NTM: variants seen among roughly 807,000 people sequenced by gnomAD.
The protein encoded by NTM is IgLON family member 2.
In NTM, 13 loss-of-function variants were observed where a neutral mutation model predicts 42.1. The observed-to-expected ratio is 0.31, with a 90% CI of 0.20 to 0.49. The LOEUF (loss-of-function observed/expected upper bound fraction) is 0.49. NTM is among the 20% of genes least tolerant of loss of function. The pLI is 0.99. For missense variants in NTM, 373 were observed against 452.8 expected, an observed-to-expected ratio of 0.82 and a Z score of 1.60; for synonymous variants, 187 against 179.2, an observed-to-expected ratio of 1.04 and a Z score of -0.35.
intron 4 of NTM, among the ~76,000 whole-genome samples, chr11:132,234,651 G>A (rs766536494): frequency 3.3e-5 from 5 of 152,050 alleles, no homozygotes; most frequent in East Asian, 1.9e-4. Flanking sequence ...CACTTTACAC[G>A]TTATAATAAT....
intron 1 of NTM, among the ~76,000 whole-genome samples, chr11:131,780,750 T>A (rs60364036): frequency 0.12 from 18,079 of 152,234 alleles, 1,154 homozygotes; most frequent in Middle Eastern, 0.17. Flanking sequence ...GTGGACTAAG[T>A]ACACGAAGCA....
chr11:131,750,968 C>T (rs959327594), intron 1 of NTM, among the ~76,000 whole-genome samples: 1 of 152,048 alleles, frequency 6.6e-6, no homozygotes, highest in Non-Finnish European at 1.5e-5. Context: ...CAGCATTAGC[C>T]CACCTCCACC....
chr11:131,905,087 G>C (rs964238826), intron 1 of NTM, among the ~76,000 whole-genome samples: 1 of 152,180 alleles, frequency 6.6e-6, no homozygotes, highest in African/African-American at 2.4e-5. Context: ...CCCAGCATGA[G>C]AAGCCTGGGA....
intron 4 of NTM, among the ~76,000 whole-genome samples, chr11:132,298,390 G>A (rs1044327047): frequency 6.6e-5 from 10 of 152,248 alleles, no homozygotes; most frequent in Admixed American, 5.9e-4. Flanking sequence ...CAGACATCAA[G>A]CTGCAAACTC....
At chr11:132,124,340 T>G (rs907731221) in intron 2 of NTM, among the ~76,000 whole-genome samples, 1 of 152,136 alleles carries the variant, frequency 6.6e-6, no homozygotes, top group Non-Finnish European at 1.5e-5. Context: ...GTTTTGTGAG[T>G]GCTCTCAGTC....
intron 1 of NTM, among the ~76,000 whole-genome samples, chr11:131,830,988 G>A (rs986837600): frequency 7.9e-5 from 12 of 152,118 alleles, no homozygotes; most frequent in Non-Finnish European, 1.8e-4. Context: ...AGCTATTGGT[G>A]TATAGAAATG....
chr11:132,165,395 T>C (rs2075113226), intron 3 of NTM, among the ~76,000 whole-genome samples: 1 of 152,212 alleles, frequency 6.6e-6, no homozygotes, highest in Non-Finnish European at 1.5e-5. Context: ...ATCTTTGCTG[T>C]CATGGCCTTG....
intron 2 of NTM, among the ~76,000 whole-genome samples, chr11:131,970,320 G>A (rs2063370719): frequency 6.6e-6 from 1 of 152,154 alleles, no homozygotes; most frequent in South Asian, 2.1e-4. Flanking sequence ...TGGCTTCCAT[G>A]TTCTACCTGC....
chr11:132,003,455 A>G lies in NTM; in HGVS notation c.167+91807A>G, dbSNP rs2069876681. ...GAGACAGACTGTCCTTATATTTCCC[A>G]GGCTGCTCTTGAGTTCCTGGGCTCA... On this transcript the variant is annotated intron_variant, in intron 2 of 8. Transcript: ENST00000683400. This position sits in a 1 kb window ranked among gnomAD's most constrained non-coding sequence, Gnocchi z 6.0. 6.6e-6 allele frequency among the ~76,000 whole-genome samples: 1 copy of G among 151,992 alleles called. No individual in the cohort carries two copies. The highest frequency in any genetic ancestry group is 1.5e-5 in the Non-Finnish European group (1 of 68,022).
At chr11:132,093,199 C>G (rs926536395) in intron 2 of NTM, among the ~76,000 whole-genome samples, 1 of 152,176 alleles carries the variant, frequency 6.6e-6, no homozygotes, top group Non-Finnish European at 1.5e-5. Flanking sequence ...CTCTGTACCT[C>G]TCCACATACT....
At chr11:131,831,504 T>C (rs2042815691) in intron 1 of NTM, among the ~76,000 whole-genome samples, 1 of 152,110 alleles carries the variant, frequency 6.6e-6, no homozygotes, top group Non-Finnish European at 1.5e-5. Flanking sequence ...ACATGTGCAT[T>C]CTAGTGGGAG....
At chr11:131,754,728 T>G (rs1252230906) in intron 1 of NTM, among the ~76,000 whole-genome samples, 1 of 152,228 alleles carries the variant, frequency 6.6e-6, no homozygotes, top group Non-Finnish European at 1.5e-5. Context: ...CATAGAGACT[T>G]GTACACAAAT....
chr11:131,852,086 A>G (rs1244837617), intron 1 of NTM, among the ~76,000 whole-genome samples: 4 of 152,128 alleles, frequency 2.6e-5, no homozygotes, highest in African/African-American at 9.7e-5. Flanking sequence ...GCAGAGACTG[A>G]CAGAGCGGGA....
chr11:131,674,179 G>A (rs1002920598), intron 1 of NTM, among the ~76,000 whole-genome samples: 1 of 152,262 alleles, frequency 6.6e-6, no homozygotes, highest in South Asian at 2.1e-4. Context: ...ACACGCACAC[G>A]TTCTCTTTCC....
intron 4 of NTM, chr11:132,284,171 C>T (rs1313479035): frequency 6.6e-6 from 1 of 152,268 alleles, no homozygotes; most frequent in African/African-American, 2.4e-5. Context: ...TGAGCCCCCT[C>T]CCTATTCTGG....
chr11:131,497,099 G>A (rs766509051), intron 1 of NTM, among the ~76,000 whole-genome samples: 7 of 152,192 alleles, frequency 4.6e-5, no homozygotes, highest in Non-Finnish European at 8.8e-5. Flanking sequence ...TCTGTCCACA[G>A]AGGAAACCCC....
intron 7 of NTM, chr11:132,314,922 TTACATGTATACAAAGTAGTATATGTATAG>T (rs886374781): frequency 9.0e-6 from 12 of 1,326,418 alleles, no homozygotes; most frequent in Middle Eastern, 2.8e-4. Context: ...GAGATACAGT[TTACATGTATACAAAGTAGTATATGTATAG>T]TACATGTATA....
At chr11:131,766,640 G>C (rs2085157107) in intron 1 of NTM, among the ~76,000 whole-genome samples, 2 of 152,046 alleles carry the variant, frequency 1.3e-5, no homozygotes, top group South Asian at 4.1e-4. Flanking sequence ...AGACAGAGCA[G>C]CCTCCATTAT....
chr11:131,903,426 C>T (rs1374942188), intron 1 of NTM, among the ~76,000 whole-genome samples: 1 of 152,212 alleles, frequency 6.6e-6, no homozygotes, highest in Non-Finnish European at 1.5e-5. Context: ...TGAAGATTAA[C>T]ATTGCTGGTT....
Sources: allele counts gnomAD v4.1 joint callset (sites outside exome capture counted in the v4.1 genomes callset), GRCh38; gene constraint gnomAD v4.1.1; non-coding constraint Gnocchi (gnomAD v3.1); transcripts MANE v1.5; gene names NCBI Gene and HGNC (gene_info 2026-07-23, HGNC 2026-07-21).